SKAP1: variants seen among roughly 807,000 people sequenced by gnomAD.
SKAP1 encodes the protein src kinase-associated phosphoprotein 1.
SKAP1 carries 44 observed loss-of-function variants against 58.5 expected under a neutral mutation model. The observed-to-expected ratio is 0.75, with a 90% confidence interval of 0.59 to 0.97. The LOEUF (loss-of-function observed/expected upper bound fraction) is 0.97. SKAP1 is among the 50% of genes least tolerant of loss of function. SKAP1 has a pLI of 0.00. For synonymous variants in SKAP1, 127 were observed against 149.7 expected, an observed-to-expected ratio of 0.85 and a Z score of 1.11; for missense variants, 390 against 435.2, an observed-to-expected ratio of 0.90 and a Z score of 0.92.
At chr17:48,173,186 TA>T (rs11453633) in intron 9 of SKAP1, among the ~76,000 whole-genome samples, 82 of 144,458 alleles carry the variant, frequency 5.7e-4, no homozygotes, top group African/African-American at 5.9e-4. Flanking sequence ...ACCTTGTCTC[TA>T]AAAAAAAAAA....
chr17:48,306,353 A>G (rs1007669462), intron 4 of SKAP1, among the ~76,000 whole-genome samples: 2 of 152,150 alleles, frequency 1.3e-5, no homozygotes, highest in African/African-American at 4.8e-5. Context: ...CCACACCTAG[A>G]ATGTCTACTT....
intron 3 of SKAP1, among the ~76,000 whole-genome samples, chr17:48,352,826 C>T (rs1047761851): frequency 6.6e-6 from 1 of 152,132 alleles, no homozygotes; most frequent in Admixed American, 6.5e-5. Context: ...CAGGCTTTCA[C>T]CCCAACTTGT....
rs1204028994 is a variant in SKAP1, at chr17:48,343,524, AC to A, written c.280+2380del. On this transcript the variant is annotated intron_variant, in intron 4 of 12. Coordinates refer to ENST00000336915, the MANE Select transcript of SKAP1 (RefSeq NM_003726.4). ...TAGAAATAGGTCTATTCCTACCTCT[AC>A]CATTGACTATGTCACTTTGGGAATT... Among the ~76,000 whole-genome samples, 21 of 150,538 alleles carry A rather than the reference AC, an allele frequency of 1.4e-4. 1 individual carries two copies. Among genetic ancestry groups the A allele is most frequent in the African/African-American group, 4.9e-4 (20 of 40,552 alleles).
At chr17:48,179,007 T>C (rs568284637) in intron 9 of SKAP1, among the ~76,000 whole-genome samples, 1 of 152,100 alleles carries the variant, frequency 6.6e-6, no homozygotes, top group South Asian at 2.1e-4. Flanking sequence ...AAGAGATGAA[T>C]GCAGTGTGGA....
At chr17:48,138,894 AT>A (rs200111005) in intron 11 of SKAP1, among the ~76,000 whole-genome samples, 6 of 149,612 alleles carry the variant, frequency 4.0e-5, no homozygotes, top group South Asian at 2.1e-4. Context: ...TGAAAAAAAA[AT>A]TTTTTTTTTT....
chr17:48,383,719 T>A (rs2067244935), intron 2 of SKAP1, among the ~76,000 whole-genome samples: 1 of 146,414 alleles, frequency 6.8e-6, no homozygotes, highest in South Asian at 2.3e-4. Context: ...CTGCCCTTTT[T>A]TTTTTTTTTT....
At chr17:48,382,832 C>T (rs1328069725) in intron 2 of SKAP1, among the ~76,000 whole-genome samples, 5 of 152,180 alleles carry the variant, frequency 3.3e-5, no homozygotes, top group African/African-American at 1.2e-4. Flanking sequence ...TCTTCACCCT[C>T]CAGGTGAATT....
At position 48,188,915 on chromosome 17, in the gene SKAP1, G is replaced by C. The variant is rs150462250; in HGVS notation, c.358+508C>G. 3.6e-3 allele frequency among the ~76,000 whole-genome samples: 551 copies of C among 152,278 alleles called. 2 individuals are homozygous for C. The highest frequency in any genetic ancestry group is 6.6e-3 in the Non-Finnish European group (450 of 68,026). On this transcript the variant is annotated intron_variant, in intron 5 of 12. Coordinates refer to ENST00000336915, the MANE Select transcript of SKAP1 (RefSeq NM_003726.4). ...CTCAGGAGGCTGAGACAGCAGAATC[G>C]CTTGAACCAGGAGGTGGAGGTTGCA...
chr17:48,371,770 G>A (rs1006996417), intron 2 of SKAP1, among the ~76,000 whole-genome samples: 1 of 147,982 alleles, frequency 6.8e-6, no homozygotes, highest in African/African-American at 2.5e-5. Flanking sequence ...CTGTGAGGTT[G>A]AGGCAGCAGT....
rs543904281 is a variant in SKAP1, at chr17:48,321,138, T to C, written c.280+24767A>G. Among the ~76,000 whole-genome samples the C allele has an allele frequency of 7.9e-5, 12 of 152,256 alleles. No individual in the cohort carries two copies. In the South Asian group the frequency reaches 1.9e-3, roughly 24 times the overall value. On this transcript the variant is annotated intron_variant, in intron 4 of 12. Transcript: ENST00000336915. ...GCTAACCAAGAATCTCACTGGAGTATAGAAGGAACTACCCATTTGTATATG... is the reference window on the plus strand; with the variant it reads ...GCTAACCAAGAATCTCACTGGAGTACAGAAGGAACTACCCATTTGTATATG...
intron 4 of SKAP1, among the ~76,000 whole-genome samples, chr17:48,251,490 A>G (rs966864120): frequency 6.8e-4 from 104 of 152,204 alleles, no homozygotes; most frequent in African/African-American, 2.4e-3. Flanking sequence ...GGACAAGAAA[A>G]TGTTTTTTAA....
intron 9 of SKAP1, among the ~76,000 whole-genome samples, chr17:48,171,766 C>T (rs1290313395): frequency 2.0e-5 from 2 of 98,556 alleles, no homozygotes; most frequent in African/African-American, 8.0e-5. Context: ...TGTGTGTGAA[C>T]AACCCTCTGT....
chr17:48,350,797 A>T (rs1417264602), intron 3 of SKAP1, among the ~76,000 whole-genome samples: 2 of 152,224 alleles, frequency 1.3e-5, no homozygotes. Flanking sequence ...AAGGAAATTT[A>T]GATTAATTTA....
chr17:48,442,642 C>A, the SKAP1 span, among the ~76,000 whole-genome samples: 3 of 152,184 alleles, frequency 2.0e-5, no homozygotes, highest in African/African-American at 7.2e-5. Flanking sequence ...GTTGCCCAAT[C>A]TGGAACCCTG....
chr17:48,302,122 A>T (rs563023645), intron 4 of SKAP1, among the ~76,000 whole-genome samples: 3 of 152,196 alleles, frequency 2.0e-5, no homozygotes, highest in African/African-American at 7.2e-5. Context: ...TAATTAGCCA[A>T]ACTTATCAAG....
At chr17:48,271,772 T>G (rs2065636335) in intron 4 of SKAP1, among the ~76,000 whole-genome samples, 1 of 152,174 alleles carries the variant, frequency 6.6e-6, no homozygotes, top group Non-Finnish European at 1.5e-5. Context: ...TCTCCAATCT[T>G]CTGATTTGAC....
intron 1 of SKAP1, among the ~76,000 whole-genome samples, chr17:48,401,500 G>C (rs1308145223): frequency 1.3e-5 from 2 of 151,804 alleles, no homozygotes; most frequent in Non-Finnish European, 2.9e-5. Flanking sequence ...TTTGCAAGAG[G>C]GTCAAGACAA....
At chr17:48,308,046 C>A (rs927375588) in intron 4 of SKAP1, 1 of 152,296 alleles carries the variant, frequency 6.6e-6, no homozygotes, top group East Asian at 1.9e-4. Flanking sequence ...TCGATGTACA[C>A]CTTTGCTGAG....
At chr17:48,342,359 C>T (rs546905661) in intron 4 of SKAP1, among the ~76,000 whole-genome samples, 1 of 152,166 alleles carries the variant, frequency 6.6e-6, no homozygotes, top group Non-Finnish European at 1.5e-5. Context: ...CATTTTTATG[C>T]ATGGGTTAGC....
Sources: allele counts gnomAD v4.1 joint callset (sites outside exome capture counted in the v4.1 genomes callset), GRCh38; gene constraint gnomAD v4.1.1; transcripts MANE v1.5; gene names NCBI Gene and HGNC (gene_info 2026-07-23, HGNC 2026-07-21).